PDE6D: variants seen among roughly 807,000 people sequenced by gnomAD.
The protein encoded by PDE6D is retinal rod rhodopsin-sensitive cGMP 3',5'-cyclic phosphodiesterase subunit delta.
A neutral mutation model predicts 21.9 loss-of-function variants in PDE6D; 10 were observed. The ratio of observed to expected loss-of-function variants is 0.46; its 90% CI spans 0.28 to 0.78. The LOEUF (loss-of-function observed/expected upper bound fraction) is 0.78. Ranked by LOEUF, PDE6D falls within the 30% of genes least tolerant of loss-of-function variation. The pLI is 0.12. For synonymous variants in PDE6D, 59 were observed against 63.5 expected, an observed-to-expected ratio of 0.93 and a Z score of 0.34; for missense variants, 139 against 184.8, an observed-to-expected ratio of 0.75 and a Z score of 1.44.
intron 1 of PDE6D, among the ~76,000 whole-genome samples, chr2:231,769,660 C>G (rs1208707704): frequency 6.6e-6 from 1 of 152,108 alleles, no homozygotes; most frequent in Non-Finnish European, 1.5e-5. Flanking sequence ...GTTGCCCAGG[C>G]TGGAATGAAG....
chr2:231,737,944 A>C, intron 3 of PDE6D, 69 bp downstream of exon 3: 1 of 1,448,582 alleles, frequency 6.9e-7, no homozygotes, highest in Non-Finnish European at 9.5e-7. Context: ...GCTTTAGTTC[A>C]CTGGGTATTG....
At chr2:231,751,134 A>ATTT (rs768976408) in intron 1 of PDE6D, among the ~76,000 whole-genome samples, 49,682 of 148,104 alleles carry the variant, frequency 0.34, 8,487 homozygotes, top group African/African-American at 0.44. Flanking sequence ...TTTTTTTTTA[A>ATTT]AAATAAACAT....
At chr2:231,778,554 G>A (rs538636168) in intron 1 of PDE6D, among the ~76,000 whole-genome samples, 5 of 152,272 alleles carry the variant, frequency 3.3e-5, no homozygotes, top group African/African-American at 1.2e-4. Flanking sequence ...TGCTCACTGT[G>A]GATCAGGTGC....
intron 1 of PDE6D, among the ~76,000 whole-genome samples, chr2:231,748,997 AG>A (rs2048816308): frequency 6.6e-6 from 1 of 152,220 alleles, no homozygotes; most frequent in African/African-American, 2.4e-5. Context: ...CAGCTAGGGC[AG>A]TAAGTAAGGG....
intron 1 of PDE6D, among the ~76,000 whole-genome samples, chr2:231,762,339 C>CT (rs3074725): frequency 0.066 from 5,460 of 83,308 alleles, 378 homozygotes; most frequent in Non-Finnish European, 0.091. Flanking sequence ...AGGACTAACG[C>CT]TTTTTTTTTT....
chr2:231,773,630 G>A (rs1197876356), intron 1 of PDE6D, among the ~76,000 whole-genome samples: 3 of 152,122 alleles, frequency 2.0e-5, no homozygotes, highest in Non-Finnish European at 4.4e-5. Context: ...GGTACTATGA[G>A]AAAGAAGATA....
At chr2:231,734,213 C>CA (rs1559305035) in intron 4 of PDE6D, among the ~76,000 whole-genome samples, 1 of 147,118 alleles carries the variant, frequency 6.8e-6, no homozygotes, top group African/African-American at 2.5e-5. Context: ...GACTCTGTCT[C>CA]AAAAAAAATA....
intron 4 of PDE6D, among the ~76,000 whole-genome samples, chr2:231,736,497 A>G (rs1304098262): frequency 6.6e-6 from 1 of 152,164 alleles, no homozygotes; most frequent in Admixed American, 6.6e-5. Context: ...AGAAGGTACT[A>G]TTACTATAAC....
chr2:231,738,919 C>CAAA (rs1157734125), intron 2 of PDE6D, among the ~76,000 whole-genome samples, 181 bp downstream of exon 2: 100 of 62,604 alleles, frequency 1.6e-3, no homozygotes, highest in African/African-American at 2.3e-3. Context: ...GACTGTGTCT[C>CAAA]AAAAAAAAAA....
intron 1 of PDE6D, among the ~76,000 whole-genome samples, chr2:231,764,313 A>C (rs934611579): frequency 6.6e-6 from 1 of 152,140 alleles, no homozygotes; most frequent in African/African-American, 2.4e-5. Flanking sequence ...GCTACTTGGG[A>C]GGCTGAGGGC....
intron 1 of PDE6D, among the ~76,000 whole-genome samples, chr2:231,765,723 A>T (rs1574632008): frequency 6.6e-6 from 1 of 152,088 alleles, no homozygotes; most frequent in Admixed American, 6.5e-5. Context: ...GGGAGTTTCT[A>T]TTTGGTGGTA....
At chr2:231,771,692 T>C (rs1405192493) in intron 1 of PDE6D, among the ~76,000 whole-genome samples, 1 of 152,206 alleles carries the variant, frequency 6.6e-6, no homozygotes, top group African/African-American at 2.4e-5. Flanking sequence ...CACAATGCAC[T>C]AAACCAAACA....
Position 231,739,730 on chromosome 2 carries a change from C to T in PDE6D, c.51-542G>A, listed in dbSNP as rs1399130435. On this transcript the variant is annotated intron_variant, in intron 1 of 4. Transcript: ENST00000287600. The surrounding 1 kb of genome is among the most constrained non-coding windows in gnomAD (Gnocchi z 4.2). Reference sequence around the variant, plus strand: ...CACTACAACCTTCATCTCCTTGGTTCAAGCAATTCTTGTGCCTCAGCCTCC... The same window carrying T: ...CACTACAACCTTCATCTCCTTGGTTTAAGCAATTCTTGTGCCTCAGCCTCC... Among the ~76,000 whole-genome samples the T allele has an allele frequency of 3.3e-5, 5 of 151,672 alleles. No homozygotes were observed. The highest frequency in any genetic ancestry group is 7.4e-5 in the Non-Finnish European group (5 of 67,970).
intron 1 of PDE6D, among the ~76,000 whole-genome samples, chr2:231,745,109 G>C (rs1019253554): frequency 6.6e-6 from 1 of 152,022 alleles, no homozygotes; most frequent in East Asian, 1.9e-4. Flanking sequence ...TAGTCTATTA[G>C]TAAGGAGAAA....
intron 1 of PDE6D, among the ~76,000 whole-genome samples, chr2:231,747,016 T>C (rs1160795567): frequency 6.6e-6 from 1 of 152,238 alleles, no homozygotes. Context: ...AGACTAAGTA[T>C]TCCAAGTGTT....
At position 231,761,010 on chromosome 2, in the gene PDE6D, G is replaced by A. The variant is rs142072138; in HGVS notation, c.50+20055C>T. On this transcript the variant is annotated intron_variant, in intron 1 of 4. Transcript: ENST00000287600. The stretch of plus-strand genomic sequence containing the variant: ...ATCTCTTCCATATTCAAGTACTAGC[G>A]TGTTGCCTGATAACTTGGTCCATGA... 4.7e-3 allele frequency among the ~76,000 whole-genome samples: 718 copies of A among 152,122 alleles called. 2 individuals are homozygous for A. Among genetic ancestry groups the A allele is most frequent in the African/African-American group, 0.016 (650 of 41,456 alleles).
At chr2:231,759,659 G>T (rs2048910692) in intron 1 of PDE6D, among the ~76,000 whole-genome samples, 1 of 152,174 alleles carries the variant, frequency 6.6e-6, no homozygotes, top group South Asian at 2.1e-4. Context: ...ATAAACTGAA[G>T]TTGGTATAGA....
intron 1 of PDE6D, among the ~76,000 whole-genome samples, chr2:231,759,334 A>C (rs2048907918): frequency 6.6e-6 from 1 of 152,082 alleles, no homozygotes; most frequent in Admixed American, 6.6e-5. Flanking sequence ...TAAATAAAGC[A>C]ATTTTAAAGA....
chr2:231,778,333 T>C (rs1186686603), intron 1 of PDE6D, among the ~76,000 whole-genome samples: 2 of 152,050 alleles, frequency 1.3e-5, no homozygotes, highest in African/African-American at 4.8e-5. Flanking sequence ...AAGGAGACAA[T>C]ACATTGAAAG....
Sources: allele counts gnomAD v4.1 joint callset (sites outside exome capture counted in the v4.1 genomes callset), GRCh38; gene constraint gnomAD v4.1.1; non-coding constraint Gnocchi (gnomAD v3.1); transcripts MANE v1.5; gene names NCBI Gene and HGNC (gene_info 2026-07-23, HGNC 2026-07-21).